The following RBKS variants were observed in gnomAD, a reference collection of about 807,000 sequenced individuals.
The protein encoded by RBKS is ribokinase.
In RBKS, 33 loss-of-function variants were observed where a neutral mutation model predicts 33.9. The ratio of observed to expected loss-of-function variants is 0.97; its 90% CI spans 0.74 to 1.30. The LOEUF is 1.30. Ranked by LOEUF, RBKS falls within the 50% of genes most tolerant of loss-of-function variation. The probability of loss-of-function intolerance (pLI) is 0.00; values close to 1 mark genes in which losing one functional copy is unlikely to be tolerated. For synonymous variants in RBKS, 125 were observed against 143.0 expected, an observed-to-expected ratio of 0.87 and a Z score of 0.90; for missense variants, 361 against 392.6, an observed-to-expected ratio of 0.92 and a Z score of 0.68.
chr2:27,861,612 G>A, intron 1 of RBKS: 2 of 464,454 alleles, frequency 4.3e-6, no homozygotes, highest in African/African-American at 4.1e-5. Flanking sequence ...TAATACACGA[G>A]TGAAGAAAAT....
intron 5 of RBKS, among the ~76,000 whole-genome samples, chr2:27,835,666 C>T (rs1481054110): frequency 6.7e-6 from 1 of 150,152 alleles, no homozygotes; most frequent in Non-Finnish European, 1.5e-5. Flanking sequence ...CTCAAGCGAT[C>T]CTCACACCTT....
Position 27,801,949 on chromosome 2 carries a change from G to GA in RBKS, c.796-20162_796-20161insT, listed in dbSNP as rs1397935633. On this transcript the variant is annotated intron_variant, in intron 7 of 7. Transcript: ENST00000302188. ...CTGTCTCAGTTTCCCGAGTAGCTGG[G>GA]GAAAAAAAAAAAAAATATATATATA... Among the ~76,000 whole-genome samples the GA allele has an allele frequency of 3.1e-3, 168 of 54,742 alleles. 12 individuals carry two copies. The East Asian group carries it at 0.065, about 21-fold the overall frequency. 35.9% of individuals were successfully genotyped at this position (54,742 alleles called of 152,430 possible).
At chr2:27,783,817 G>C (rs75634311) in intron 7 of RBKS, among the ~76,000 whole-genome samples, 5,567 of 148,550 alleles carry the variant, frequency 0.037, 631 homozygotes, top group Admixed American at 0.23. Flanking sequence ...TGAGGCAGGA[G>C]AATGGCCTGA....
chr2:27,870,772 A>G (rs930080160), intron 1 of RBKS: 1 of 464,638 alleles, frequency 2.2e-6, no homozygotes, highest in Non-Finnish European at 4.4e-6. Context: ...GCATATACTC[A>G]CACAAAATGA....
At chr2:27,874,695 C>T (rs1302996198) in intron 1 of RBKS, among the ~76,000 whole-genome samples, 1 of 152,200 alleles carries the variant, frequency 6.6e-6, no homozygotes, top group Non-Finnish European at 1.5e-5. Flanking sequence ...CACTCTACTT[C>T]ATAGTTCCTG....
rs769741991 is a variant in RBKS, at chr2:27,832,792, A to G, written c.515-15T>C. Reference sequence around the variant, plus strand: ...CAAGGTTTTCACTACAAAGGAATGGAAAAGGGGGTTATTATTAGTTTTCAT... The same window carrying G: ...CAAGGTTTTCACTACAAAGGAATGGGAAAGGGGGTTATTATTAGTTTTCAT... On this transcript the variant is annotated splice_polypyrimidine_tract_variant and intron_variant, in intron 5 of 7. Coordinates refer to ENST00000302188, the MANE Select transcript of RBKS (RefSeq NM_022128.3). 7 of 1,513,858 alleles carry G rather than the reference A, an allele frequency of 4.6e-6. No homozygotes were observed. The African/African-American group carries it at 6.9e-5, about 15-fold the overall frequency. The allele number at this position is 1,513,858 out of a possible 1,614,324, so 93.8% of individuals were successfully genotyped here.
chr2:27,840,458 A>T (rs1663468087), intron 5 of RBKS, among the ~76,000 whole-genome samples: 1 of 151,676 alleles, frequency 6.6e-6, no homozygotes, highest in Non-Finnish European at 1.5e-5. Context: ...GGACCAGCTG[A>T]CTTGGCCAGA....
At chr2:27,823,910 TAAAATTCACTCTTTAA>T (rs1478331541) in intron 7 of RBKS, among the ~76,000 whole-genome samples, 1 of 152,200 alleles carries the variant, frequency 6.6e-6, no homozygotes, top group Non-Finnish European at 1.5e-5. Context: ...TCATGCATCA[TAAAATTCACTCTTTAA>T]AGGGGTATGC....
intron 7 of RBKS, among the ~76,000 whole-genome samples, chr2:27,802,890 G>A (rs1252506706): frequency 6.6e-6 from 1 of 152,218 alleles, no homozygotes. Flanking sequence ...TATGCAGACA[G>A]GACTGAGCGG....
intron 7 of RBKS, among the ~76,000 whole-genome samples, chr2:27,818,143 T>C (rs942333760): frequency 6.6e-6 from 1 of 152,084 alleles, no homozygotes. Context: ...ACCTAAATGA[T>C]CCATAAAGTG....
rs181878680 is a variant in RBKS, at chr2:27,822,607, C to T, written c.795+4960G>A. Among the ~76,000 whole-genome samples, 846 of 152,340 alleles carry T rather than the reference C, an allele frequency of 5.6e-3. 5 individuals carry two copies. Among genetic ancestry groups the T allele is most frequent in the Middle Eastern group, 0.017 (5 of 294 alleles). On this transcript the variant is annotated intron_variant, in intron 7 of 7. Coordinates refer to ENST00000302188, the MANE Select transcript of RBKS (RefSeq NM_022128.3). The stretch of plus-strand genomic sequence containing the variant: ...CCGTGCAAACTTTAACAGAAATTAT[C>T]TCTACTTCTTACTGGTGCAATCCTA...
intron 7 of RBKS, among the ~76,000 whole-genome samples, chr2:27,792,759 T>C (rs1173720891): frequency 6.6e-6 from 1 of 152,206 alleles, no homozygotes; most frequent in Non-Finnish European, 1.5e-5. Flanking sequence ...TGTGTCTAGT[T>C]TGGAAGCCAT....
At chr2:27,805,219 G>A (rs373837439) in intron 7 of RBKS, among the ~76,000 whole-genome samples, 2 of 152,262 alleles carry the variant, frequency 1.3e-5, no homozygotes, top group African/African-American at 4.8e-5. Context: ...TTCTCATAAT[G>A]TTTTAAGAAA....
intron 1 of RBKS, among the ~76,000 whole-genome samples, chr2:27,862,056 T>C (rs1400058949): frequency 6.7e-6 from 1 of 148,796 alleles, no homozygotes; most frequent in Admixed American, 6.7e-5. Context: ...CAGATGATCC[T>C]CCCACCTTAG....
chr2:27,782,352 A>C (rs1183510584), intron 7 of RBKS, among the ~76,000 whole-genome samples: 1 of 151,778 alleles, frequency 6.6e-6, no homozygotes, highest in African/African-American at 2.4e-5. Context: ...CTAATTTTTA[A>C]AAATTTTAAT....
At chr2:27,874,172 G>A (rs948173349) in intron 1 of RBKS, among the ~76,000 whole-genome samples, 2 of 152,166 alleles carry the variant, frequency 1.3e-5, no homozygotes, top group African/African-American at 4.8e-5. Flanking sequence ...TGTGTAGAAA[G>A]TACTAAAAAG....
chr2:27,817,240 C>A (rs1385752254), intron 7 of RBKS, among the ~76,000 whole-genome samples: 1 of 152,178 alleles, frequency 6.6e-6, no homozygotes, highest in Admixed American at 6.5e-5. Flanking sequence ...TTTGCCTCAA[C>A]TAAAAAGCTG....
chr2:27,820,814 C>T (rs1165051287), intron 7 of RBKS, among the ~76,000 whole-genome samples: 4 of 152,212 alleles, frequency 2.6e-5, no homozygotes, highest in Middle Eastern at 3.4e-3. Context: ...GAGGCCAAGG[C>T]GGGTGGATCA....
At chr2:27,860,501 G>C (rs138711133) in intron 1 of RBKS, among the ~76,000 whole-genome samples, 1 of 152,122 alleles carries the variant, frequency 6.6e-6, no homozygotes, top group African/African-American at 2.4e-5. Flanking sequence ...TCTATACTTA[G>C]ATCTGGGTTA....
Sources: allele counts gnomAD v4.1 joint callset (sites outside exome capture counted in the v4.1 genomes callset), GRCh38; gene constraint gnomAD v4.1.1; transcripts MANE v1.5; gene names NCBI Gene and HGNC (gene_info 2026-07-23, HGNC 2026-07-21).